Variants in FAM83B observed in about 807,000 individuals in gnomAD.
FAM83B encodes scaffolding CK1 anchoring protein B, also known as protein FAM83B.
FAM83B carries 26 observed loss-of-function variants against 38.8 expected under a neutral mutation model. That is an observed-to-expected ratio of 0.67 (90% CI 0.49 to 0.93). The LOEUF is 0.93. FAM83B is among the 40% of genes least tolerant of loss of function. The pLI is 0.00. For synonymous variants in FAM83B, 419 were observed against 423.1 expected, an observed-to-expected ratio of 0.99 and a Z score of 0.12; for missense variants, 1,237 against 1,197.3, an observed-to-expected ratio of 1.03 and a Z score of -0.49.
rs1679855038 is a variant in FAM83B, at chr6:54,940,696, G to C, written c.1725G>C (p.Glu575Asp). The change falls in exon 5 of 5, where the codon GAG (glutamate) becomes GAC (aspartate). Residue 575 changes from glutamate (E) to aspartate (D), a missense_variant. By Grantham distance (45) the Glu-to-Asp change is conservative. Coordinates refer to ENST00000306858, the MANE Select transcript of FAM83B (RefSeq NM_001010872.3). ...CTATCATTGGTTCTCAGGGAAGTGA[G>C]ACACCTAAAGAGGTCCCAGACACCC... Reference protein sequence around the residue: ...NSTIIGSQGSETPKEVPDTPT... With the variant: ...NSTIIGSQGSDTPKEVPDTPT... 1 of 1,613,898 alleles carries C rather than the reference G, an allele frequency of 6.2e-7. No homozygotes were observed. Among genetic ancestry groups the C allele is most frequent in the Non-Finnish European group, 8.5e-7 (1 of 1,180,016 alleles).
Position 54,940,552 on chromosome 6 carries a change from G to C in FAM83B, c.1581G>C (p.Glu527Asp). The change falls in exon 5 of 5, where the codon GAG becomes GAC. Residue 527 changes from glutamate to aspartate, a missense_variant. By Grantham distance (45) the Glu-to-Asp change is conservative. Coordinates refer to ENST00000306858, the MANE Select transcript of FAM83B (RefSeq NM_001010872.3). ...GATTTGAGGGCTATGATAATCCTGA[G>C]AATTTGAAGGCCAATGCCCTTTATA... is the stretch of plus-strand genomic sequence containing the variant. The part of the protein sequence containing the change: ...GDRFEGYDNP[E>D]NLKANALYTH... 6.2e-7 allele frequency: 1 copy of C among 1,614,054 alleles called. No individual in the cohort carries two copies. The highest frequency in any genetic ancestry group is 8.5e-7 in the Non-Finnish European group (1 of 1,180,020).
intron 2 of FAM83B, among the ~76,000 whole-genome samples, chr6:54,883,074 A>G (rs1398882004): frequency 1.3e-5 from 2 of 152,030 alleles, no homozygotes; most frequent in Admixed American, 1.3e-4. Context: ...AGTAGCTGGG[A>G]CTACAGGCAC....
intron 2 of FAM83B, among the ~76,000 whole-genome samples, chr6:54,904,385 A>G (rs533942147): frequency 8.5e-5 from 13 of 152,198 alleles, no homozygotes; most frequent in East Asian, 1.9e-4. Context: ...TGACATTTCT[A>G]TGTAGAGGTG....
At chr6:54,885,059 A>G (rs2127578892) in intron 2 of FAM83B, among the ~76,000 whole-genome samples, 1 of 152,312 alleles carries the variant, frequency 6.6e-6, no homozygotes, top group Non-Finnish European at 1.5e-5. Context: ...GGCGTGAGCC[A>G]CTGCGCCCGG....
chr6:54,910,493 T>A (rs1032053687), intron 2 of FAM83B, among the ~76,000 whole-genome samples: 1 of 152,208 alleles, frequency 6.6e-6, no homozygotes, highest in African/African-American at 2.4e-5. Context: ...GCTTCCTTGC[T>A]GCCTGCCTTT....
chr6:54,881,367 AT>A (rs1772127052), intron 2 of FAM83B, among the ~76,000 whole-genome samples: 1 of 152,170 alleles, frequency 6.6e-6, no homozygotes, highest in African/African-American at 2.4e-5. Flanking sequence ...AGTAAGAAAA[AT>A]TGGTAACTGT....
In FAM83B at chr6:54,941,466, A is replaced by G. The variant is rs1773691506; in HGVS notation, c.2495A>G (p.His832Arg). The G allele has an allele frequency of 2.5e-6, 4 of 1,613,840 alleles. No individual in the cohort carries two copies. Among genetic ancestry groups the G allele is most frequent in the East Asian group, 2.2e-5 (1 of 44,870 alleles). The change falls in exon 5 of 5, where the codon CAT becomes CGT. Residue 832 changes from histidine (H) to arginine (R), a missense_variant. Coordinates refer to ENST00000306858, the MANE Select transcript of FAM83B (RefSeq NM_001010872.3). Reference sequence around the variant, plus strand: ...GTTGATTCATCTCCTAGAAGAAAGCATTCTTCCTCATCGAATTCTCAAGGC... The same window carrying G: ...GTTGATTCATCTCCTAGAAGAAAGCGTTCTTCCTCATCGAATTCTCAAGGC... ...TKVDSSPRRK[H>R]SSSSNSQGSI...
intron 4 of FAM83B, among the ~76,000 whole-genome samples, chr6:54,928,925 G>GA (rs1321087610): frequency 6.6e-6 from 1 of 152,016 alleles, no homozygotes; most frequent in Non-Finnish European, 1.5e-5. Flanking sequence ...TAATGTGGGG[G>GA]AAAATCAAAC....
intron 2 of FAM83B, among the ~76,000 whole-genome samples, chr6:54,874,009 G>C (rs1771928219): frequency 6.6e-6 from 1 of 151,944 alleles, no homozygotes; most frequent in African/African-American, 2.4e-5. Context: ...CTTATGAAAG[G>C]AATTAAAAAT....
chr6:54,939,635 CT>C (rs1265088666), intron 4 of FAM83B, 70 bp from the exon 5 acceptor site: 5 of 1,378,296 alleles, frequency 3.6e-6, no homozygotes, highest in Middle Eastern at 2.0e-4. Flanking sequence ...TTAAGTGATA[CT>C]TTTTTTAGTA....
At chr6:54,918,921 T>A (rs545911424) in intron 2 of FAM83B, among the ~76,000 whole-genome samples, 32 of 152,258 alleles carry the variant, frequency 2.1e-4, no homozygotes, top group African/African-American at 7.5e-4. Context: ...ATTGTTTGTG[T>A]GATCACAGAG....
intron 1 of FAM83B, among the ~76,000 whole-genome samples, chr6:54,848,259 C>T (rs529871633): frequency 1.1e-4 from 17 of 152,236 alleles, no homozygotes; most frequent in African/African-American, 3.9e-4. Context: ...CCACACCTTC[C>T]AATTGCAAAT....
intron 4 of FAM83B, among the ~76,000 whole-genome samples, chr6:54,939,381 C>A (rs1229899038): frequency 2.0e-5 from 3 of 151,822 alleles, no homozygotes; most frequent in Non-Finnish European, 2.9e-5. Flanking sequence ...GGGATTGTTT[C>A]TTCTTATTAT....
At chr6:54,869,753 G>A (rs1410080089) in intron 1 of FAM83B, among the ~76,000 whole-genome samples, 1 of 152,086 alleles carries the variant, frequency 6.6e-6, no homozygotes, top group Non-Finnish European at 1.5e-5. Context: ...GCAATGTATG[G>A]CTTTCTTCAA....
At chr6:54,914,589 AC>A (rs1772992260) in intron 2 of FAM83B, among the ~76,000 whole-genome samples, 1 of 151,970 alleles carries the variant, frequency 6.6e-6, no homozygotes, top group South Asian at 2.1e-4. Flanking sequence ...CTTTGCTTTC[AC>A]TCCAGGGTTG....
At position 54,886,149 on chromosome 6, in the gene FAM83B, T is replaced by C. The variant is rs140397854; in HGVS notation, c.444+15459T>C. Reference sequence around the variant, plus strand: ...TCCTGGAATTCATTTGAATTAGTTGTGATATTTTATTTATATAAAGCTAGA... The same window carrying C: ...TCCTGGAATTCATTTGAATTAGTTGCGATATTTTATTTATATAAAGCTAGA... On this transcript the variant is annotated intron_variant, in intron 2 of 4. Transcript: ENST00000306858. Among the ~76,000 whole-genome samples the C allele has an allele frequency of 3.1e-3, 473 of 152,256 alleles. 14 individuals are homozygous for C. The highest frequency in any genetic ancestry group is 0.029 in the Admixed American group (451 of 15,308).
chr6:54,861,191 T>A (rs1360312588), intron 1 of FAM83B, among the ~76,000 whole-genome samples: 4 of 152,256 alleles, frequency 2.6e-5, no homozygotes, highest in Admixed American at 2.0e-4. Context: ...TGAGATGAAT[T>A]TGAGCAAATC....
intron 1 of FAM83B, among the ~76,000 whole-genome samples, chr6:54,869,017 A>G (rs1771781692): frequency 6.6e-6 from 1 of 152,170 alleles, no homozygotes; most frequent in African/African-American, 2.4e-5. Context: ...ACTTCAAAAG[A>G]CTGGAAAGTC....
intron 1 of FAM83B, among the ~76,000 whole-genome samples, chr6:54,867,770 G>A (rs1771751232): frequency 6.6e-6 from 1 of 152,018 alleles, no homozygotes; most frequent in Non-Finnish European, 1.5e-5. Context: ...CTCAGAAATA[G>A]GTAGTATTTT....
Sources: gnomAD v4.1 joint callset for allele counts (sites outside exome capture counted in the v4.1 genomes callset) on GRCh38, gnomAD v4.1.1 for gene constraint, MANE v1.5 for transcripts, NCBI Gene and HGNC (gene_info 2026-07-23, HGNC 2026-07-21) for gene names.